SHANK2: variants seen among roughly 807,000 people sequenced by gnomAD.
SHANK2 encodes the protein SH3 and multiple ankyrin repeat domains 2.
In SHANK2, 43 loss-of-function variants were observed where a neutral mutation model predicts 133.7. The observed-to-expected ratio is 0.32, with a 90% CI of 0.25 to 0.41. SHANK2 has a LOEUF of 0.41. Among genes scored for constraint, SHANK2 ranks in the 10% least tolerant of loss-of-function variants. The pLI, the probability that SHANK2 is intolerant of heterozygous loss-of-function variation, is 1.00. For synonymous variants in SHANK2, 1,017 were observed against 952.8 expected, an observed-to-expected ratio of 1.07 and a Z score of -1.24; for missense variants, 1,994 against 2,235.8, an observed-to-expected ratio of 0.89 and a Z score of 2.18.
chr11:70,870,486 G>T (rs1364232442), intron 11 of SHANK2, among the ~76,000 whole-genome samples: 1 of 152,150 alleles, frequency 6.6e-6, no homozygotes, highest in African/African-American at 2.4e-5. Context: ...GAAAGATGGG[G>T]TATGTTCACT....
chr11:70,934,444 G>A (rs2135814854), intron 10 of SHANK2, among the ~76,000 whole-genome samples: 1 of 152,212 alleles, frequency 6.6e-6, no homozygotes, highest in African/African-American at 2.4e-5. Flanking sequence ...CTCAAACACA[G>A]GGGCTCTGCC....
rs980247173 is a variant in SHANK2, at chr11:70,472,835, C to G, written c.*34G>C. 5.6e-6 allele frequency: 9 copies of G among 1,599,362 alleles called. No individual in the cohort carries two copies. In the African/African-American group the frequency reaches 1.1e-4, roughly 19 times the overall value. On this transcript the variant is annotated 3_prime_UTR_variant, in exon 26 of 26. Transcript: ENST00000601538. The surrounding 1 kb of genome is among the most constrained non-coding windows in gnomAD (Gnocchi z 4.4). Reference sequence around the variant, plus strand: ...AGCACGAGCCCATCTCTACTTATAACAAGAGCAGTCTGCGAGGTGGAGAGC... The same window carrying G: ...AGCACGAGCCCATCTCTACTTATAAGAAGAGCAGTCTGCGAGGTGGAGAGC...
chr11:70,769,772 C>T (rs1230231433), intron 14 of SHANK2, among the ~76,000 whole-genome samples: 1 of 152,166 alleles, frequency 6.6e-6, no homozygotes, highest in Non-Finnish European at 1.5e-5. Context: ...TGGGCATGTG[C>T]AGGCATGTGT....
intron 10 of SHANK2, among the ~76,000 whole-genome samples, chr11:70,911,911 G>C (rs782703760): frequency 6.6e-6 from 1 of 151,546 alleles, no homozygotes; most frequent in Admixed American, 6.6e-5. Flanking sequence ...GTAAAATCCC[G>C]TCTCTACTAA....
chr11:70,906,929 G>A (rs547493095), intron 10 of SHANK2, among the ~76,000 whole-genome samples: 1 of 152,220 alleles, frequency 6.6e-6, no homozygotes, highest in African/African-American at 2.4e-5. Flanking sequence ...CAGCTCCCTG[G>A]GGCTTTGCGA....
chr11:70,799,668 G>A (rs1393963794), intron 13 of SHANK2, among the ~76,000 whole-genome samples: 1 of 152,116 alleles, frequency 6.6e-6, no homozygotes, highest in Non-Finnish European at 1.5e-5. Context: ...TTCCCCAGGA[G>A]AGAAGGGATG....
At chr11:70,896,458 T>C in intron 11 of SHANK2, 43 bp downstream of exon 11, 1 of 695,594 alleles carries the variant, frequency 1.4e-6, no homozygotes, top group East Asian at 2.7e-5. Flanking sequence ...TCAGAGCATC[T>C]CCAAACCAAA....
At chr11:70,623,578 G>C (rs7924645) in intron 17 of SHANK2, among the ~76,000 whole-genome samples, 34,228 of 152,130 alleles carry the variant, frequency 0.22, 4,017 homozygotes, top group South Asian at 0.34. Flanking sequence ...GAGGGGACTG[G>C]AAATTCTTCC....
At chr11:70,570,894 G>C (rs2060037390) in intron 17 of SHANK2, among the ~76,000 whole-genome samples, 1 of 152,228 alleles carries the variant, frequency 6.6e-6, no homozygotes, top group Non-Finnish European at 1.5e-5. Context: ...TATGGGTGGG[G>C]CTCTGAGAGT....
At chr11:70,729,099 G>A (rs2134711435) in intron 14 of SHANK2, among the ~76,000 whole-genome samples, 1 of 151,870 alleles carries the variant, frequency 6.6e-6, no homozygotes, top group East Asian at 1.9e-4. Flanking sequence ...AGCTACTTGG[G>A]AAGCTGAGGC....
At chr11:71,057,168 C>A (rs1950931061) in intron 9 of SHANK2, among the ~76,000 whole-genome samples, 2 of 152,124 alleles carry the variant, frequency 1.3e-5, no homozygotes, top group African/African-American at 4.8e-5. Flanking sequence ...AACCCCATCT[C>A]TACAAAAATA....
At position 70,830,701 on chromosome 11, in the gene SHANK2, C is replaced by G. The variant is rs1948713857; in HGVS notation, c.1175-10019G>C. Reference sequence around the variant, plus strand: ...ATTTTCCCTGGAGGCTTCCAGAGATCTTCTTCTCTGAGAAAAGCCTCAGGC... The same window carrying G: ...ATTTTCCCTGGAGGCTTCCAGAGATGTTCTTCTCTGAGAAAAGCCTCAGGC... On this transcript the variant is annotated intron_variant, in intron 11 of 25. Coordinates refer to ENST00000601538, the MANE Select transcript of SHANK2 (RefSeq NM_012309.5). This position sits in a 1 kb window ranked among gnomAD's most constrained non-coding sequence, Gnocchi z 4.4. 6.6e-6 allele frequency among the ~76,000 whole-genome samples: 1 copy of G among 152,242 alleles called. No homozygotes were observed. The highest frequency in any genetic ancestry group is 2.4e-5 in the African/African-American group (1 of 41,464).
intron 11 of SHANK2, among the ~76,000 whole-genome samples, chr11:70,875,280 G>A (rs533169027): frequency 5.1e-4 from 78 of 152,106 alleles, no homozygotes; most frequent in African/African-American, 1.8e-3. Context: ...CACTCACTCC[G>A]CCCCCAGTAG....
At chr11:70,748,357 G>C (rs1565289496) in intron 14 of SHANK2, among the ~76,000 whole-genome samples, 1 of 152,140 alleles carries the variant, frequency 6.6e-6, no homozygotes, top group Non-Finnish European at 1.5e-5. Context: ...TGGCAAGAGT[G>C]AGGAAGTCAA....
chr11:71,170,020 TA>T (rs143672241), intron 2 of SHANK2, among the ~76,000 whole-genome samples: 37,806 of 151,998 alleles, frequency 0.25, 5,138 homozygotes, highest in African/African-American at 0.34. Context: ...CATCTTTTTT[TA>T]AAAAAAGATA....
At position 70,844,810 on chromosome 11, in the gene SHANK2, C is replaced by T. The variant is rs183395237; in HGVS notation, c.1175-24128G>A. 6.6e-5 allele frequency among the ~76,000 whole-genome samples: 10 copies of T among 152,272 alleles called. No homozygotes were observed. The East Asian group carries it at 1.5e-3, about 24-fold the overall frequency. On this transcript the variant is annotated intron_variant, in intron 11 of 25. Coordinates refer to ENST00000601538, the MANE Select transcript of SHANK2 (RefSeq NM_012309.5). ...GAAATGCCAGGTCAAAAGGTCTGAG[C>T]GCCCCCATGGCCCTGGGCACGTGTC...
At chr11:70,574,139 C>A (rs922671576) in intron 17 of SHANK2, among the ~76,000 whole-genome samples, 8 of 152,260 alleles carry the variant, frequency 5.3e-5, no homozygotes, top group Admixed American at 5.2e-4. Flanking sequence ...ACAGGGCTCA[C>A]AGCACTCATG....
chr11:71,229,909 C>G (rs1461433390), intron 1 of SHANK2, among the ~76,000 whole-genome samples: 3 of 152,048 alleles, frequency 2.0e-5, no homozygotes, highest in Non-Finnish European at 4.4e-5. Flanking sequence ...ATACCCTGTT[C>G]ATGGATTGGA....
chr11:71,118,406 A>G (rs1300249397), intron 4 of SHANK2, among the ~76,000 whole-genome samples: 2 of 152,204 alleles, frequency 1.3e-5, no homozygotes, highest in African/African-American at 4.8e-5. Context: ...CCTCAGGAAC[A>G]TTACAGTCAT....
Sources: allele counts gnomAD v4.1 joint callset (sites outside exome capture counted in the v4.1 genomes callset), GRCh38; gene constraint gnomAD v4.1.1; non-coding constraint Gnocchi (gnomAD v3.1); transcripts MANE v1.5; gene names NCBI Gene and HGNC (gene_info 2026-07-23, HGNC 2026-07-21).